ARMH3: variants seen among roughly 807,000 people sequenced by gnomAD.
ARMH3 encodes the protein armadillo like helical domain containing 3.
In ARMH3, 60 loss-of-function variants were observed where a neutral mutation model predicts 99.1. The ratio of observed to expected loss-of-function variants is 0.61; its 90% CI spans 0.49 to 0.75. The LOEUF (loss-of-function observed/expected upper bound fraction) is 0.75, where lower values mean the gene tolerates loss of function less well. Among genes scored for constraint, ARMH3 ranks in the 30% least tolerant of loss-of-function variants. The pLI is 0.00. For missense variants in ARMH3, 679 were observed against 843.1 expected (o/e 0.81, Z 2.41); for synonymous variants, 285 against 292.8 (o/e 0.97, Z 0.27).
intron 23 of ARMH3, among the ~76,000 whole-genome samples, chr10:101,936,654 G>A (rs990829937): frequency 6.6e-6 from 1 of 151,582 alleles, no homozygotes; most frequent in African/African-American, 2.4e-5. Flanking sequence ...TCCTCCTCTG[G>A]GGATATGTCC....
At chr10:101,893,736 C>A (rs1427332936) in intron 23 of ARMH3, among the ~76,000 whole-genome samples, 1 of 151,556 alleles carries the variant, frequency 6.6e-6, no homozygotes, top group Non-Finnish European at 1.5e-5. Context: ...GGGGAGGGGA[C>A]TGGGAGGCAG....
intron 20 of ARMH3, among the ~76,000 whole-genome samples, chr10:101,968,564 C>G (rs986168772): frequency 6.6e-6 from 1 of 152,126 alleles, no homozygotes; most frequent in African/African-American, 2.4e-5. Flanking sequence ...GCTCATGGGC[C>G]TATGAGAGTT....
chr10:101,902,848 A>G (rs1272667611), intron 23 of ARMH3, among the ~76,000 whole-genome samples: 1 of 152,162 alleles, frequency 6.6e-6, no homozygotes. Flanking sequence ...GGTGAGAGCC[A>G]GCTCCAAACA....
intron 1 of ARMH3, among the ~76,000 whole-genome samples, chr10:102,053,754 G>C (rs2067768418): frequency 1.3e-5 from 2 of 151,830 alleles, no homozygotes; most frequent in East Asian, 3.9e-4. Context: ...CCGCCTCCTG[G>C]GTTCATGCCA....
At chr10:101,889,344 C>T in intron 24 of ARMH3, 68 bp downstream of exon 24, 1 of 1,416,832 alleles carries the variant, frequency 7.1e-7, no homozygotes, top group Non-Finnish European at 1.0e-6. Flanking sequence ...ATCCCCCTGC[C>T]ATCAGAGAGA....
At chr10:101,966,304 T>G (rs959596446) in intron 20 of ARMH3, among the ~76,000 whole-genome samples, 29 of 137,476 alleles carry the variant, frequency 2.1e-4, no homozygotes, top group East Asian at 4.0e-4. Context: ...TTTTTTTTTT[T>G]TTTTTTTTTT....
intron 4 of ARMH3, 54 bp from the exon 5 acceptor site, chr10:102,029,799 G>A: frequency 6.6e-7 from 1 of 1,526,262 alleles, no homozygotes; most frequent in African/African-American, 1.4e-5. Context: ...AGGGTCTGTA[G>A]ACCCACATTG....
intron 25 of ARMH3, among the ~76,000 whole-genome samples, 175 bp from the exon 26 acceptor site, chr10:101,847,795 T>C (rs189290942): frequency 6.6e-6 from 1 of 152,274 alleles, no homozygotes; most frequent in Admixed American, 6.5e-5. Context: ...AACAGTTCCT[T>C]GACAGCAGGG....
At chr10:101,939,832 A>G (rs761408942) in intron 23 of ARMH3, 31 bp downstream of exon 23, 3 of 1,587,088 alleles carry the variant, frequency 1.9e-6, no homozygotes, top group Non-Finnish European at 2.6e-6. Flanking sequence ...AGAGCCAAGG[A>G]ACTCTGCAAG....
chr10:102,007,172 A>AAAAAAAG (rs1554888269), intron 13 of ARMH3, among the ~76,000 whole-genome samples: 4 of 149,582 alleles, frequency 2.7e-5, no homozygotes, highest in East Asian at 3.9e-4. Flanking sequence ...AAAAAAAAAA[A>AAAAAAAG]AAAAAAGAAA....
intron 23 of ARMH3, among the ~76,000 whole-genome samples, chr10:101,900,154 C>A (rs1340206172): frequency 6.6e-6 from 1 of 152,190 alleles, no homozygotes; most frequent in Non-Finnish European, 1.5e-5. Context: ...TCAGATCCAT[C>A]ACTCTGTGCT....
intron 8 of ARMH3, among the ~76,000 whole-genome samples, chr10:102,019,670 G>A (rs1339776662): frequency 6.6e-6 from 1 of 152,018 alleles, no homozygotes; most frequent in Non-Finnish European, 1.5e-5. Flanking sequence ...GCTCACGCCT[G>A]TAATCCCAGC....
chr10:101,957,521 C>T, intron 21 of ARMH3, 129 bp downstream of exon 21: 1 of 1,014,534 alleles, frequency 9.9e-7, no homozygotes, highest in Non-Finnish European at 1.4e-6. Flanking sequence ...AGATTCGGAT[C>T]CAAAAAATAT....
chr10:101,918,071 CAG>C (rs1301932784), intron 23 of ARMH3, among the ~76,000 whole-genome samples: 2 of 152,078 alleles, frequency 1.3e-5, no homozygotes, highest in Admixed American at 1.3e-4. Context: ...TTTTTTTAGA[CAG>C]AGTCTTGCTC....
At chr10:102,019,082 T>C (rs368065721) in intron 8 of ARMH3, among the ~76,000 whole-genome samples, 45 of 152,160 alleles carry the variant, frequency 3.0e-4, no homozygotes, top group East Asian at 1.9e-3. Context: ...GGAATTTTGC[T>C]CTTTCACTCA....
intron 9 of ARMH3, among the ~76,000 whole-genome samples, 199 bp from the exon 10 acceptor site, chr10:102,013,075 T>C (rs1406377683): frequency 6.6e-6 from 1 of 152,238 alleles, no homozygotes; most frequent in African/African-American, 2.4e-5. Context: ...TATCTAATTA[T>C]CTTAATGTTC....
intron 23 of ARMH3, among the ~76,000 whole-genome samples, chr10:101,939,006 T>C (rs1362410712): frequency 6.6e-6 from 1 of 152,040 alleles, no homozygotes; most frequent in African/African-American, 2.4e-5. Context: ...AAAGAAAAGA[T>C]ATAGGAAAAA....
At position 101,979,888 on chromosome 10, in the gene ARMH3, T is replaced by A. The variant is rs1170920477; in HGVS notation, c.1407-4588A>T. Among the ~76,000 whole-genome samples, 4 of 152,240 alleles carry A rather than the reference T, an allele frequency of 2.6e-5. No individual in the cohort carries two copies. In the East Asian group the frequency reaches 7.7e-4, roughly 29 times the overall value. On this transcript the variant is annotated intron_variant, in intron 19 of 25. Transcript: ENST00000370033. ...CACAAATTCAACATTCAATTAACTA[T>A]GATCTCAGCCCTTAGAATCCCTAGT... is the stretch of plus-strand genomic sequence containing the variant.
At chr10:101,985,332 C>T (rs1255762991) in intron 19 of ARMH3, among the ~76,000 whole-genome samples, 1 of 146,652 alleles carries the variant, frequency 6.8e-6, no homozygotes, top group Non-Finnish European at 1.5e-5. Context: ...ATATACAGAT[C>T]GCATGGGTTT....
Sources: allele counts gnomAD v4.1 joint callset (sites outside exome capture counted in the v4.1 genomes callset), GRCh38; gene constraint gnomAD v4.1.1; transcripts MANE v1.5; gene names NCBI Gene and HGNC (gene_info 2026-07-23, HGNC 2026-07-21).